Variants in FGF13 observed in about 807,000 individuals in gnomAD.
The protein encoded by FGF13 is fibroblast growth factor homologous factor 2.
In FGF13, 2 loss-of-function variants were observed where a neutral mutation model predicts 19.5. The observed-to-expected ratio is 0.10, with a 90% CI of 0.04 to 0.32. The LOEUF (loss-of-function observed/expected upper bound fraction) is 0.32. FGF13 is among the 10% of genes least tolerant of loss of function. The pLI is 1.00. For synonymous variants in FGF13, 72 were observed against 76.9 expected (o/e 0.94, Z 0.33); for missense variants, 113 against 192.7 (o/e 0.59, Z 2.45).
chrX:139,159,804 T>C (rs974434358), intron 1 of FGF13, among the ~76,000 whole-genome samples: 1 of 111,121 alleles, frequency 9.0e-6, no homozygotes, highest in Non-Finnish European at 1.9e-5. Flanking sequence ...CCTAAATATA[T>C]ATGCACCCAA....
rs1243924415 is a variant in FGF13, at chrX:138,629,566, T to G, written c.*3284A>C. The G allele has an allele frequency of 8.9e-6, 1 of 111,733 alleles. No individual in the cohort carries two copies. Among genetic ancestry groups the G allele is most frequent in the Non-Finnish European group, 1.9e-5 (1 of 53,258 alleles). 9.2% of individuals were successfully genotyped at this position (111,733 alleles called of 1,213,427 possible). A position where few individuals can be genotyped will look rare whatever the true frequency, so the allele number is the denominator to read the frequency against. ...CTCTCCTGCTGCCACGTGGAAAAGG[T>G]CCTTGCTTCCCCTTCATCTTCTGCC... On this transcript the variant is annotated 3_prime_UTR_variant, in exon 5 of 5. Transcript: ENST00000315930.
intron 1 of FGF13, among the ~76,000 whole-genome samples, chrX:139,144,767 A>G (rs1402728344): frequency 5.4e-5 from 6 of 111,535 alleles, no homozygotes; most frequent in African/African-American, 1.6e-4. Flanking sequence ...GATGTGGCAG[A>G]GAAAAAAAGG....
At position 139,061,505 on chromosome X, in the gene FGF13, A is replaced by T. The variant is rs138098042; in HGVS notation, c.-113+141911T>A. On this transcript the variant is annotated intron_variant, in intron 1 of 2. Coordinates refer to the FGF13 transcript ENST00000421460. ...TGCCCACTCTCACATGCACTCCACC[A>T]TGTGATGCCATCCACAATATTATGA... 9.1e-3 allele frequency among the ~76,000 whole-genome samples: 1,017 copies of T among 111,544 alleles called. 10 individuals are homozygous for T. The highest frequency in any genetic ancestry group is 0.013 in the Non-Finnish European group (711 of 53,027).
intron 1 of FGF13, among the ~76,000 whole-genome samples, chrX:139,057,755 C>T (rs745571915): frequency 3.6e-5 from 4 of 112,086 alleles, no homozygotes; most frequent in East Asian, 2.8e-4. Flanking sequence ...GCCTTGAAAA[C>T]GATATGCTAA....
At chrX:138,956,124 C>T (rs2091840103) in intron 1 of FGF13, among the ~76,000 whole-genome samples, 1 of 111,747 alleles carries the variant, frequency 8.9e-6, no homozygotes, top group South Asian at 3.7e-4. Flanking sequence ...AAGCACCATA[C>T]CAGGGCGAGC....
chrX:138,952,375 T>G (rs934654527), intron 1 of FGF13, among the ~76,000 whole-genome samples: 14 of 111,916 alleles, frequency 1.3e-4, no homozygotes, highest in African/African-American at 4.5e-4. Flanking sequence ...GGCTAGCATA[T>G]ATAGAAAGCT....
chrX:138,886,415 C>T (rs998223209), intron 1 of FGF13, among the ~76,000 whole-genome samples: 1 of 112,304 alleles, frequency 8.9e-6, no homozygotes, highest in African/African-American at 3.2e-5. Flanking sequence ...TCTTTTGAAT[C>T]TGGAATGAAA....
At chrX:139,023,686 G>A (rs1410538355) in intron 1 of FGF13, among the ~76,000 whole-genome samples, 1 of 111,316 alleles carries the variant, frequency 9.0e-6, no homozygotes, top group Non-Finnish European at 1.9e-5. Flanking sequence ...ACAGTAAGTC[G>A]ATGAAATACT....
At chrX:138,739,491 G>C, upstream of FGF13, 2 of 320,330 alleles carry the variant, frequency 6.2e-6, no homozygotes. Context: ...TCATGTAGCA[G>C]TATTGTTCTG....
intron 1 of FGF13, among the ~76,000 whole-genome samples, chrX:139,009,205 A>G (rs1457958068): frequency 8.9e-6 from 1 of 112,163 alleles, no homozygotes; most frequent in African/African-American, 3.2e-5. Flanking sequence ...AAGAAGAGAA[A>G]TCTCACAGTT....
chrX:139,067,066 C>T (rs1054865186), intron 1 of FGF13, among the ~76,000 whole-genome samples: 49 of 111,522 alleles, frequency 4.4e-4, no homozygotes, highest in African/African-American at 1.4e-3. Flanking sequence ...AAAAGGCCTT[C>T]GATAAAATTG....
At chrX:139,032,373 A>G (rs773418388) in intron 1 of FGF13, among the ~76,000 whole-genome samples, 1 of 111,582 alleles carries the variant, frequency 9.0e-6, no homozygotes, top group South Asian at 3.8e-4. Flanking sequence ...ATTCCTTCAG[A>G]ATATACCTAT....
At chrX:139,061,808 C>T (rs1367639970) in intron 1 of FGF13, among the ~76,000 whole-genome samples, 2 of 110,624 alleles carry the variant, frequency 1.8e-5, no homozygotes, top group Non-Finnish European at 3.8e-5. Context: ...GTGCATTTCC[C>T]TGTTGATTAG....
At chrX:138,922,930 G>T (rs1283804106) in intron 1 of FGF13, among the ~76,000 whole-genome samples, 1 of 111,766 alleles carries the variant, frequency 8.9e-6, no homozygotes, top group Non-Finnish European at 1.9e-5. Flanking sequence ...ATATATATTT[G>T]TTGAAATGAG....
chrX:138,625,969 C>G lies in FGF13; in HGVS notation c.*6881G>C, dbSNP rs190778653. ...GGCAAAATACAGATTGTTCAACAGA[C>G]GAAAAGGAGGAATTAGTAGGGCAAT... On this transcript the variant is annotated 3_prime_UTR_variant, in exon 5 of 5. Transcript: ENST00000315930. 9.0e-6 allele frequency: 1 copy of G among 110,947 alleles called. No individual in the cohort carries two copies. Among genetic ancestry groups the G allele is most frequent in the African/African-American group, 3.3e-5 (1 of 30,477 alleles). The allele number at this position is 110,947 out of a possible 1,213,427, so 9.1% of individuals were successfully genotyped here. A position where few individuals can be genotyped will look rare whatever the true frequency, so the allele number is the denominator to read the frequency against.
chrX:138,939,565 C>T (rs1490744548), intron 1 of FGF13, among the ~76,000 whole-genome samples: 1 of 111,093 alleles, frequency 9.0e-6, no homozygotes, highest in Non-Finnish European at 1.9e-5. Flanking sequence ...TCCTCTCCCT[C>T]CTCCCAACCC....
At chrX:139,128,819 A>G (rs2083737807) in intron 1 of FGF13, among the ~76,000 whole-genome samples, 1 of 111,527 alleles carries the variant, frequency 9.0e-6, no homozygotes, top group Non-Finnish European at 1.9e-5. Flanking sequence ...GCTCTCTGGT[A>G]TTAACATTCT....
chrX:139,156,422 C>T (rs111483489), intron 1 of FGF13, among the ~76,000 whole-genome samples: 43 of 111,911 alleles, frequency 3.8e-4, no homozygotes, highest in African/African-American at 1.4e-3. Context: ...GGTGATAAGA[C>T]GAATTTGATT....
intron 1 of FGF13, among the ~76,000 whole-genome samples, chrX:138,938,140 A>G (rs763179509): frequency 1.8e-5 from 2 of 111,365 alleles, no homozygotes; most frequent in South Asian, 7.6e-4. Context: ...TTGTGATAAC[A>G]TTTTCTCCCT....
Sources: gnomAD v4.1 joint callset for allele counts (sites outside exome capture counted in the v4.1 genomes callset) on GRCh38, gnomAD v4.1.1 for gene constraint, MANE v1.5 for transcripts, NCBI Gene and HGNC (gene_info 2026-07-23, HGNC 2026-07-21) for gene names.